XAB2: variants seen among roughly 807,000 people sequenced by gnomAD.
XAB2 encodes the protein pre-mRNA-splicing factor SYF1.
A neutral mutation model predicts 113.4 loss-of-function variants in XAB2; 57 were observed. The ratio of observed to expected loss-of-function variants is 0.50; its 90% CI spans 0.41 to 0.63. The LOEUF (loss-of-function observed/expected upper bound fraction) is 0.63, where lower values mean the gene tolerates loss of function less well. Ranked by LOEUF, XAB2 falls within the 20% of genes least tolerant of loss-of-function variation. The pLI is 0.00. For missense variants in XAB2, 1,037 were observed against 1,233.3 expected, an observed-to-expected ratio of 0.84 and a Z score of 2.38; for synonymous variants, 497 against 498.8, an observed-to-expected ratio of 1.00 and a Z score of 0.05.
In XAB2 at chr19:7,623,318, G is replaced by A. The variant is rs763925315; in HGVS notation, c.1120-29C>T. 1.9e-6 allele frequency: 3 copies of A among 1,608,244 alleles called. No individual in the cohort carries two copies. The highest frequency in any genetic ancestry group is 8.5e-7 in the Non-Finnish European group (1 of 1,176,570). On this transcript the variant is annotated intron_variant, in intron 8 of 18. Coordinates refer to ENST00000358368, the MANE Select transcript of XAB2 (RefSeq NM_020196.3). The surrounding 1 kb of genome is among the most constrained non-coding windows in gnomAD (Gnocchi z 4.6). ...GGGACAGGAGGGAGGAGGTCATATA[G>A]GACTCAGGACCCTGCAGATGACGGT...
rs2031076687 is a variant in XAB2 at position 7,623,392 on chromosome 19, C to A, written c.1120-103G>T. Reference sequence around the variant, plus strand: ...GGGTGGGGCCTGGAGGGTGCTGTGGCCCCTGTCGGGAGAGGCCAGAAACGA... The same window carrying A: ...GGGTGGGGCCTGGAGGGTGCTGTGGACCCTGTCGGGAGAGGCCAGAAACGA... On this transcript the variant is annotated intron_variant, in intron 8 of 18. Transcript: ENST00000358368. The surrounding 1 kb of genome is among the most constrained non-coding windows in gnomAD (Gnocchi z 4.6). 2.7e-6 allele frequency: 4 copies of A among 1,492,096 alleles called. No individual in the cohort carries two copies. The Admixed American group carries it at 5.7e-5, about 21-fold the overall frequency. The allele number at this position is 1,492,096 out of a possible 1,614,324, so 92.4% of individuals were successfully genotyped here. A position where few individuals can be genotyped will look rare whatever the true frequency, so the allele number is the denominator to read the frequency against.
At chr19:7,629,331 G>A (rs1201245579) in intron 1 of XAB2, 146 bp downstream of exon 1, 11 of 930,808 alleles carry the variant, frequency 1.2e-5, no homozygotes, top group Non-Finnish European at 1.8e-5. Context: ...CGGACATGAC[G>A]ATCCGGTCTC....
intron 4 of XAB2, among the ~76,000 whole-genome samples, chr19:7,626,968 ATC>A (rs2031151745): frequency 6.6e-6 from 1 of 152,152 alleles, no homozygotes; most frequent in Non-Finnish European, 1.5e-5. Context: ...GCTCATATGC[ATC>A]TGTCTTCCTA....
At position 7,619,661 on chromosome 19, in the gene XAB2, G is replaced by C. The variant is rs190323188; in HGVS notation, c.2507-14C>G. The C allele has an allele frequency of 6.2e-7, 1 of 1,603,172 alleles. No individual in the cohort carries two copies. The highest frequency in any genetic ancestry group is 8.5e-7 in the Non-Finnish European group (1 of 1,173,724). On this transcript the variant is annotated splice_polypyrimidine_tract_variant and intron_variant, in intron 18 of 18. Coordinates refer to ENST00000358368, the MANE Select transcript of XAB2 (RefSeq NM_020196.3). ...CCAGCCGAACCTCTGTGGGGAAGGCGGGAGCCAGTCACCCTCCTGGCGTTG... is the reference window on the plus strand; with the variant it reads ...CCAGCCGAACCTCTGTGGGGAAGGCCGGAGCCAGTCACCCTCCTGGCGTTG...
chr19:7,620,807 G>C (rs772857483), intron 14 of XAB2, 39 bp downstream of exon 14: 2 of 1,564,242 alleles, frequency 1.3e-6, no homozygotes, highest in Non-Finnish European at 1.7e-6. Flanking sequence ...CGTCTGCTCA[G>C]GGACCTCTGG....
chr19:7,628,248 A>T lies in XAB2; in HGVS notation c.102T>A (p.Ser34=). Residue 34 remains serine, a synonymous_variant, in exon 2 of 19, where the codon TCT becomes TCA. Coordinates refer to ENST00000358368, the MANE Select transcript of XAB2 (RefSeq NM_020196.3). This position sits in a 1 kb window ranked among gnomAD's most constrained non-coding sequence, Gnocchi z 4.6. Reference sequence around the variant, plus strand: ...CGATGTAGCGAAGCCAGCATTTGACAGAGAATTGGTTCCGCATGATTTCCT... The same window carrying T: ...CGATGTAGCGAAGCCAGCATTTGACTGAGAATTGGTTCCGCATGATTTCCT... ...YEEEIMRNQF[S]VKCWLRYIEF... 1 of 1,614,062 alleles carries T rather than the reference A, an allele frequency of 6.2e-7. No homozygotes were observed. Among genetic ancestry groups the T allele is most frequent in the Non-Finnish European group, 8.5e-7 (1 of 1,179,984 alleles).
rs769693932 is a variant in XAB2, at chr19:7,628,290, C to A, written c.60G>T (p.Glu20Asp). ...TGATTTCCTCCTCATAGGGGAGGTCCTCTTCCTCCTGCCAGGGCCAGGGAA... is the reference window on the plus strand; with the variant it reads ...TGATTTCCTCCTCATAGGGGAGGTCATCTTCCTCCTGCCAGGGCCAGGGAA... ...PERPDLVFEE[E>D]DLPYEEEIMR... is the part of the protein sequence containing the mutation. Residue 20 changes from glutamate (E) to aspartate (D), a missense_variant, in exon 2 of 19, where the codon GAG (glutamate) becomes GAT (aspartate). Physicochemically the swap from Glu to Asp is conservative, Grantham distance 45. Transcript: ENST00000358368. This position sits in a 1 kb window ranked among gnomAD's most constrained non-coding sequence, Gnocchi z 4.6. 10 of 1,613,936 alleles carry A rather than the reference C, an allele frequency of 6.2e-6. No individual in the cohort carries two copies. In the African/African-American group the frequency reaches 1.2e-4, roughly 19 times the overall value.
In XAB2 at chr19:7,622,823, C is replaced by T. The variant is rs749957093; in HGVS notation, c.1310G>A (p.Cys437Tyr). Residue 437 changes from cysteine to tyrosine, a missense_variant, in exon 10 of 19, where the codon TGT becomes TAT. Physicochemically the swap from Cys to Tyr is radical, Grantham distance 194. Transcript: ENST00000358368. ...KQVDDLASVW[C>Y]QCGELELRHE... ...TCGGAGCTCCAGCTCTCCGCACTGACACCACACGCTTGCCAGGTCATCCAC... is the reference window on the plus strand; with the variant it reads ...TCGGAGCTCCAGCTCTCCGCACTGATACCACACGCTTGCCAGGTCATCCAC... 10 of 1,614,106 alleles carry T rather than the reference C, an allele frequency of 6.2e-6. No homozygotes were observed. The South Asian group carries it at 9.9e-5, about 16-fold the overall frequency.
rs866391225 is a variant in XAB2, at chr19:7,626,153, C to G, written c.640G>C (p.Gly214Arg). 2 of 1,613,532 alleles carry G rather than the reference C, an allele frequency of 1.2e-6. No individual in the cohort carries two copies. Among genetic ancestry groups the G allele is most frequent in the Non-Finnish European group, 1.7e-6 (2 of 1,180,008 alleles). ...AGGCCCACCTGGTAGTTGGACTTGC[C>G]GGCCTTAGACACGAAACGCTCGTCG... ...VNDERFVSKA[G>R]KSNYQLWHEL... Residue 214 changes from glycine (G) to arginine (R), a missense_variant, in exon 5 of 19, where the codon GGC (glycine) becomes CGC (arginine). Physicochemically the swap from Gly to Arg is moderately radical, Grantham distance 125 (BLOSUM62 -2). Transcript: ENST00000358368.
In XAB2 at chr19:7,622,774, C is replaced by A. The variant is rs2031062546; in HGVS notation, c.1359G>T (p.Leu453Phe). The A allele has an allele frequency of 3.7e-6, 6 of 1,614,002 alleles. No homozygotes were observed. The highest frequency in any genetic ancestry group is 5.1e-6 in the Non-Finnish European group (6 of 1,180,052). ...GGCCTGTTCTCACTCGCAGCAGCCG[C>A]AAGGCCTCATCGTAGTTCTCGTGTC... ...ELRHENYDEA[L>F]RLLRKATALP... The change falls in exon 10 of 19, where the codon TTG becomes TTT. Residue 453 changes from leucine to phenylalanine, a missense_variant. Leu to Phe is a conservative substitution (Grantham distance 22). Coordinates refer to ENST00000358368, the MANE Select transcript of XAB2 (RefSeq NM_020196.3).
chr19:7,621,790 G>A (rs564054115), intron 12 of XAB2: 41 of 186,982 alleles, frequency 2.2e-4, no homozygotes, highest in Middle Eastern at 2.6e-3. Flanking sequence ...CCCACAACCC[G>A]TCTCCTGAGC....
rs1276994914 is a variant in XAB2, at chr19:7,621,252, C to T, written c.1663G>A (p.Asp555Asn). ...TTGGTCAGGTAGGTGCTCCAGATGT[C>T]GGACACGTTGGGCCACTTGAACAGC... The part of the protein sequence containing the change: ...ISLFKWPNVS[D>N]IWSTYLTKFI... The change falls in exon 13 of 19, where the codon GAC becomes AAC. Residue 555 changes from aspartate to asparagine, a missense_variant. Coordinates refer to ENST00000358368, the MANE Select transcript of XAB2 (RefSeq NM_020196.3). The T allele has an allele frequency of 4.3e-6, 7 of 1,613,012 alleles. No homozygotes were observed. Among genetic ancestry groups the T allele is most frequent in the South Asian group, 1.1e-5 (1 of 91,090 alleles).
intron 15 of XAB2, 35 bp from the exon 16 acceptor site, chr19:7,620,481 G>A (rs1485509998): frequency 6.2e-7 from 1 of 1,608,322 alleles, no homozygotes; most frequent in South Asian, 1.1e-5. Flanking sequence ...GGGTGTGTGT[G>A]CCCGTGAGCT....
rs1376656360 is a variant in XAB2, at chr19:7,628,974, T to G, written c.51+503A>C. ...GATGTCACGCCTCTACTCCAGAGAG[T>G]AAGTATTTCACTGGCCATCGCCTGA... On this transcript the variant is annotated intron_variant, in intron 1 of 18. Transcript: ENST00000358368. The surrounding 1 kb of genome is among the most constrained non-coding windows in gnomAD (Gnocchi z 4.6). 6.6e-6 allele frequency among the ~76,000 whole-genome samples: 1 copy of G among 151,730 alleles called. No homozygotes were observed. Among genetic ancestry groups the G allele is most frequent in the Non-Finnish European group, 1.5e-5 (1 of 67,946 alleles).
rs572621921 is a variant in XAB2, at chr19:7,623,041, T to C, written c.1239+129A>G. On this transcript the variant is annotated intron_variant, in intron 9 of 18. Transcript: ENST00000358368. This position sits in a 1 kb window ranked among gnomAD's most constrained non-coding sequence, Gnocchi z 4.6. The stretch of plus-strand genomic sequence containing the variant: ...GCACACACATGCGTGCACATATGCA[T>C]GCACCCAAATGCACATGCACACACA... The C allele has an allele frequency of 8.4e-6, 13 of 1,540,054 alleles. No individual in the cohort carries two copies. The highest frequency in any genetic ancestry group is 2.3e-5 in the East Asian group (1 of 42,802).
Position 7,627,941 on chromosome 19 carries a change from A to G in XAB2, c.201-90T>C. On this transcript the variant is annotated intron_variant, in intron 2 of 18. Transcript: ENST00000358368. The surrounding 1 kb of genome is among the most constrained non-coding windows in gnomAD (Gnocchi z 4.5). ...CCTGCCCCAGTTGGCAAATGTGGGA[A>G]GAAGGGGTGTGGGAGGGGTGACATG... The G allele has an allele frequency of 6.4e-7, 1 of 1,559,048 alleles. No homozygotes were observed. Among genetic ancestry groups the G allele is most frequent in the Non-Finnish European group, 8.7e-7 (1 of 1,149,642 alleles).
chr19:7,623,418 A>T lies in XAB2; in HGVS notation c.1120-129T>A. On this transcript the variant is annotated intron_variant, in intron 8 of 18. Coordinates refer to ENST00000358368, the MANE Select transcript of XAB2 (RefSeq NM_020196.3). The surrounding 1 kb of genome is among the most constrained non-coding windows in gnomAD (Gnocchi z 4.6). Reference sequence around the variant, plus strand: ...CCCTGTCGGGAGAGGCCAGAAACGAACTATGGCCCTTGACAATGGTCAGGA... The same window carrying T: ...CCCTGTCGGGAGAGGCCAGAAACGATCTATGGCCCTTGACAATGGTCAGGA... 6 of 1,264,630 alleles carry T rather than the reference A, an allele frequency of 4.7e-6. No individual in the cohort carries two copies. The highest frequency in any genetic ancestry group is 6.6e-6 in the Non-Finnish European group (6 of 912,428). 78.3% of individuals were successfully genotyped at this position (1,264,630 alleles called of 1,614,324 possible).
In XAB2 at chr19:7,623,587, G is replaced by A. The variant is rs1163162278; in HGVS notation, c.1119+144C>T. The stretch of plus-strand genomic sequence containing the variant: ...CTGAGGGGCGGGGCTCGGGCAGGAG[G>A]AGAACCCCAAGAACAGGGGTGGAAT... On this transcript the variant is annotated intron_variant, in intron 8 of 18. Coordinates refer to ENST00000358368, the MANE Select transcript of XAB2 (RefSeq NM_020196.3). This position sits in a 1 kb window ranked among gnomAD's most constrained non-coding sequence, Gnocchi z 4.6. 1.6e-6 allele frequency: 2 copies of A among 1,231,290 alleles called. No individual in the cohort carries two copies. Among genetic ancestry groups the A allele is most frequent in the Admixed American group, 2.5e-5 (1 of 40,094 alleles). 76.3% of individuals were successfully genotyped at this position (1,231,290 alleles called of 1,614,324 possible).
rs536799016 is a variant in XAB2, at chr19:7,624,812, C to T, written c.823-367G>A. 6.6e-6 allele frequency among the ~76,000 whole-genome samples: 1 copy of T among 152,318 alleles called. No individual in the cohort carries two copies. The highest frequency in any genetic ancestry group is 2.4e-5 in the African/African-American group (1 of 41,576). On this transcript the variant is annotated intron_variant, in intron 6 of 18. Coordinates refer to ENST00000358368, the MANE Select transcript of XAB2 (RefSeq NM_020196.3). This position sits in a 1 kb window ranked among gnomAD's most constrained non-coding sequence, Gnocchi z 4.2. ...TGCAGGGACCCTCGCCTCAGCTCAT[C>T]CTCCGAGGCCTCAGAATTTGCTCCA...
Sources: allele counts gnomAD v4.1 joint callset (sites outside exome capture counted in the v4.1 genomes callset), GRCh38; gene constraint gnomAD v4.1.1; non-coding constraint Gnocchi (gnomAD v3.1); transcripts MANE v1.5; gene names NCBI Gene and HGNC (gene_info 2026-07-23, HGNC 2026-07-21).